RAB31: variants seen among roughly 807,000 people sequenced by gnomAD.
The protein encoded by RAB31 is ras-related protein Rab-31.
RAB31 carries 21 observed loss-of-function variants against 25.6 expected under a neutral mutation model. That is an observed-to-expected ratio of 0.82 (90% CI 0.58 to 1.18). The LOEUF (loss-of-function observed/expected upper bound fraction) is 1.18. Among genes scored for constraint, RAB31 ranks in the 50% most tolerant of loss-of-function variants. The pLI, the probability that RAB31 is intolerant of heterozygous loss-of-function variation, is 0.00. For synonymous variants in RAB31, 87 were observed against 84.0 expected, an observed-to-expected ratio of 1.04 and a Z score of -0.20; for missense variants, 196 against 250.1, an observed-to-expected ratio of 0.78 and a Z score of 1.46.
At chr18:9,794,844 CA>C (rs985157140) in intron 3 of RAB31, among the ~76,000 whole-genome samples, 2 of 151,428 alleles carry the variant, frequency 1.3e-5, no homozygotes, top group African/African-American at 4.9e-5. Flanking sequence ...AAACAAAAAA[CA>C]AAAAAAGCAA....
intron 1 of RAB31, among the ~76,000 whole-genome samples, chr18:9,709,392 G>C (rs1378527): frequency 0.52 from 79,431 of 151,980 alleles, 21,445 homozygotes; most frequent in East Asian, 0.6. Context: ...TGGTGTACCC[G>C]CCCGTGTCAT....
intron 3 of RAB31, among the ~76,000 whole-genome samples, chr18:9,793,669 A>T (rs953788471): frequency 6.6e-6 from 1 of 151,778 alleles, no homozygotes; most frequent in Non-Finnish European, 1.5e-5. Context: ...CTCAAAAAAA[A>T]AAAAAGTTGA....
At chr18:9,821,345 G>C (rs1039439207) in intron 5 of RAB31, among the ~76,000 whole-genome samples, 1 of 152,070 alleles carries the variant, frequency 6.6e-6, no homozygotes, top group Non-Finnish European at 1.5e-5. Context: ...CTCCCTTAGA[G>C]AGAAAGTCTA....
At chr18:9,735,464 T>C in intron 1 of RAB31, 2 of 214,076 alleles carry the variant, frequency 9.3e-6, no homozygotes, top group Non-Finnish European at 2.0e-5. Context: ...CTGGGTGACA[T>C]TTGTCAAAGT....
intron 1 of RAB31, among the ~76,000 whole-genome samples, chr18:9,745,231 A>G (rs1288073231): frequency 2.0e-5 from 3 of 152,164 alleles, no homozygotes; most frequent in African/African-American, 7.2e-5. Flanking sequence ...CTAGACACAC[A>G]AAACTACCAA....
At chr18:9,841,933 A>T (rs576253557) in intron 5 of RAB31, among the ~76,000 whole-genome samples, 1 of 152,158 alleles carries the variant, frequency 6.6e-6, no homozygotes, top group Non-Finnish European at 1.5e-5. Flanking sequence ...GTGAAGGGGA[A>T]CTTAAGCATG....
intron 1 of RAB31, among the ~76,000 whole-genome samples, chr18:9,770,935 G>A (rs567429321): frequency 1.1e-3 from 173 of 151,390 alleles, no homozygotes; most frequent in Non-Finnish European, 1.6e-3. Flanking sequence ...GGCTGAGGCC[G>A]GAGGATCATT....
chr18:9,724,984 C>A (rs1457738231), intron 1 of RAB31, among the ~76,000 whole-genome samples: 3 of 152,148 alleles, frequency 2.0e-5, no homozygotes, highest in African/African-American at 7.2e-5. Context: ...GTCTGGTGAG[C>A]GGACCGGGCA....
chr18:9,822,567 ATATC>A (rs2068629285), intron 5 of RAB31, among the ~76,000 whole-genome samples: 1 of 152,202 alleles, frequency 6.6e-6, no homozygotes, highest in Non-Finnish European at 1.5e-5. Flanking sequence ...TGCAAACTAT[ATATC>A]TATAAGGGAC....
intron 5 of RAB31, among the ~76,000 whole-genome samples, chr18:9,839,382 A>AT (rs1205142655): frequency 1.3e-5 from 2 of 152,174 alleles, no homozygotes; most frequent in East Asian, 1.9e-4. Flanking sequence ...CAATCAGAAG[A>AT]TGTTGGAGAA....
intron 5 of RAB31, among the ~76,000 whole-genome samples, chr18:9,827,709 G>A (rs945530439): frequency 6.6e-6 from 1 of 152,170 alleles, no homozygotes; most frequent in Admixed American, 6.5e-5. Context: ...TGTTAGAAGT[G>A]AAAATAGGGT....
intron 2 of RAB31, among the ~76,000 whole-genome samples, chr18:9,776,540 A>C (rs1243515876): frequency 2.6e-5 from 4 of 152,236 alleles, no homozygotes; most frequent in Non-Finnish European, 4.4e-5. Flanking sequence ...TGAAAATATC[A>C]AGAATTAGGA....
chr18:9,723,113 T>C (rs1417663080), intron 1 of RAB31, among the ~76,000 whole-genome samples: 1 of 152,098 alleles, frequency 6.6e-6, no homozygotes, highest in Non-Finnish European at 1.5e-5. Context: ...AGTGGTGTGG[T>C]CTTGGCTCAC....
At chr18:9,722,115 A>G (rs1199358236) in intron 1 of RAB31, among the ~76,000 whole-genome samples, 1 of 152,002 alleles carries the variant, frequency 6.6e-6, no homozygotes, top group Non-Finnish European at 1.5e-5. Context: ...GGGTTAGGTC[A>G]GGGAGGTTTG....
intron 6 of RAB31, among the ~76,000 whole-genome samples, chr18:9,854,791 C>A (rs2068807553): frequency 6.6e-6 from 1 of 152,130 alleles, no homozygotes; most frequent in Non-Finnish European, 1.5e-5. Flanking sequence ...GTTCCAGAGA[C>A]CCCCTCTCTA....
intron 1 of RAB31, among the ~76,000 whole-genome samples, chr18:9,767,832 C>A (rs11081500): frequency 6.6e-6 from 1 of 152,120 alleles, no homozygotes; most frequent in Admixed American, 6.6e-5. Context: ...AATCCGTCAT[C>A]TACATTAGGT....
At chr18:9,773,059 T>G (rs950774572) in intron 1 of RAB31, among the ~76,000 whole-genome samples, 2 of 152,202 alleles carry the variant, frequency 1.3e-5, no homozygotes, top group Non-Finnish European at 2.9e-5. Flanking sequence ...ATTTGCACGA[T>G]GCAGATAAAC....
At position 9,807,244 on chromosome 18, in the gene RAB31, G is replaced by A. The variant is rs192664027; in HGVS notation, c.202-6776G>A. On this transcript the variant is annotated intron_variant, in intron 3 of 6. Transcript: ENST00000578921. ...TCTGGTGTGATGGGGCATGTTCGGA[G>A]GCCTCCTCAGGGCTGTGCAGCGAAG... Among the ~76,000 whole-genome samples, 59 of 152,314 alleles carry A rather than the reference G, an allele frequency of 3.9e-4. 1 individual carries two copies. The East Asian group carries it at 0.01, about 26-fold the overall frequency.
At chr18:9,780,467 T>C (rs1215431912) in intron 2 of RAB31, among the ~76,000 whole-genome samples, 2 of 152,150 alleles carry the variant, frequency 1.3e-5, no homozygotes, top group Non-Finnish European at 2.9e-5. Flanking sequence ...ACTGTAAACA[T>C]TTTGTTATTT....
Sources: allele counts gnomAD v4.1 joint callset (sites outside exome capture counted in the v4.1 genomes callset), GRCh38; gene constraint gnomAD v4.1.1; transcripts MANE v1.5; gene names NCBI Gene and HGNC (gene_info 2026-07-23, HGNC 2026-07-21).